The following COX7C variants were observed in gnomAD, a reference collection of about 807,000 sequenced individuals.
The protein encoded by COX7C is cytochrome c oxidase subunit 7C, mitochondrial.
In COX7C, 1 loss-of-function variant was observed where a neutral mutation model predicts 6.4. That is an observed-to-expected ratio of 0.16 (90% confidence interval 0.06 to 0.74). The LOEUF (loss-of-function observed/expected upper bound fraction) is 0.74, where lower values mean the gene tolerates loss of function less well. COX7C is among the 30% of genes least tolerant of loss of function. COX7C has a pLI of 0.78. For missense variants in COX7C, 54 were observed against 73.7 expected (o/e 0.73, Z 0.98); for synonymous variants, 24 against 28.9 (o/e 0.83, Z 0.54).
At chr5:86,618,398 A>C in intron 1 of COX7C, 1 of 463,712 alleles carries the variant, frequency 2.2e-6, no homozygotes, top group Non-Finnish European at 4.0e-6. Context: ...GAAAGCCCTG[A>C]GATGGCTCCG....
chr5:86,618,389 A>G, intron 1 of COX7C: 1 of 481,552 alleles, frequency 2.1e-6, no homozygotes, highest in East Asian at 3.9e-5. Flanking sequence ...CGCCCCGCAG[A>G]AAGCCCTGAG....
intron 1 of COX7C, chr5:86,618,474 T>A: frequency 3.5e-6 from 1 of 284,294 alleles, no homozygotes. Flanking sequence ...GAAATGAAGG[T>A]CATTGGAAAA....
Position 86,620,457 on chromosome 5 carries a change from G to A in COX7C, c.*28-211G>A, listed in dbSNP as rs573163827. On this transcript the variant is annotated intron_variant, in intron 2 of 2. Coordinates refer to ENST00000247655, the MANE Select transcript of COX7C (RefSeq NM_001867.3). Reference sequence around the variant, plus strand: ...TAGGATGATTGGAAAGAGTGTCATAGTTTAGAGGGGGAATAACTTATCCAA... The same window carrying A: ...TAGGATGATTGGAAAGAGTGTCATAATTTAGAGGGGGAATAACTTATCCAA... 3 of 249,498 alleles carry A rather than the reference G, an allele frequency of 1.2e-5. No individual in the cohort carries two copies. In the South Asian group the frequency reaches 1.2e-4, roughly 10 times the overall value. 15.5% of individuals were successfully genotyped at this position (249,498 alleles called of 1,614,324 possible).
Sources: gnomAD v4.1 joint callset for allele counts on GRCh38, gnomAD v4.1.1 for gene constraint, MANE v1.5 for transcripts, NCBI Gene and HGNC (gene_info 2026-07-23, HGNC 2026-07-21) for gene names.